Variants in FKBP5 observed in about 807,000 individuals in gnomAD.
The protein encoded by FKBP5 is peptidyl-prolyl cis-trans isomerase FKBP5.
In FKBP5, 23 loss-of-function variants were observed where a neutral mutation model predicts 50.5. The ratio of observed to expected loss-of-function variants is 0.46; its 90% CI spans 0.33 to 0.65. The LOEUF (loss-of-function observed/expected upper bound fraction) is 0.65. Among genes scored for constraint, FKBP5 ranks in the 30% least tolerant of loss-of-function variants. The pLI is 0.02. For missense variants in FKBP5, 411 were observed against 553.1 expected, an observed-to-expected ratio of 0.74 and a Z score of 2.58; for synonymous variants, 176 against 190.6, an observed-to-expected ratio of 0.92 and a Z score of 0.63.
intron 1 of FKBP5, among the ~76,000 whole-genome samples, chr6:35,721,606 C>G (rs1361789005): frequency 6.6e-6 from 1 of 152,154 alleles, no homozygotes; most frequent in Non-Finnish European, 1.5e-5. Context: ...CAGCCATGCG[C>G]TACCACGCCC....
chr6:35,642,502 T>G (rs193174888), intron 2 of FKBP5, among the ~76,000 whole-genome samples: 2 of 152,220 alleles, frequency 1.3e-5, no homozygotes, highest in East Asian at 3.9e-4. Context: ...GAAGATCACT[T>G]GAACCCAGGA....
At chr6:35,695,598 A>G (rs977754660) in intron 2 of FKBP5, among the ~76,000 whole-genome samples, 2 of 152,248 alleles carry the variant, frequency 1.3e-5, no homozygotes, top group Non-Finnish European at 2.9e-5. Context: ...AACCTTGTAT[A>G]TGGAAAATCT....
intron 1 of FKBP5, among the ~76,000 whole-genome samples, chr6:35,688,261 C>T (rs1369769480): frequency 6.6e-6 from 1 of 152,212 alleles, no homozygotes; most frequent in Non-Finnish European, 1.5e-5. Context: ...TGGGCGAATC[C>T]GCCCCGCGCC....
chr6:35,594,799 G>T (rs1282884049), intron 6 of FKBP5, among the ~76,000 whole-genome samples: 3 of 152,082 alleles, frequency 2.0e-5, no homozygotes, highest in Admixed American at 2.0e-4. Flanking sequence ...CCAACACCTT[G>T]AACAAAAATA....
At chr6:35,667,394 T>C (rs1765262515) in intron 1 of FKBP5, among the ~76,000 whole-genome samples, 1 of 152,202 alleles carries the variant, frequency 6.6e-6, no homozygotes, top group African/African-American at 2.4e-5. Flanking sequence ...CTTACAAGTG[T>C]GTGCTCTCAT....
At chr6:35,586,195 A>G in intron 8 of FKBP5, 1 of 985,126 alleles carries the variant, frequency 1.0e-6, no homozygotes, top group Non-Finnish European at 1.2e-6. Flanking sequence ...AACACTGATT[A>G]AAACAGAATG....
intron 6 of FKBP5, among the ~76,000 whole-genome samples, chr6:35,596,412 G>C (rs1762984589): frequency 6.6e-6 from 1 of 152,036 alleles, no homozygotes; most frequent in Non-Finnish European, 1.5e-5. Flanking sequence ...ACTGCCATTG[G>C]ATTACTACAG....
intron 1 of FKBP5, among the ~76,000 whole-genome samples, chr6:35,684,181 C>CTT (rs1057487502): frequency 7.0e-6 from 1 of 143,714 alleles, no homozygotes; most frequent in African/African-American, 2.6e-5. Context: ...GTAATTGTAT[C>CTT]TTTTTTTTTT....
At chr6:35,671,794 C>T (rs1007836429) in intron 1 of FKBP5, among the ~76,000 whole-genome samples, 2 of 151,624 alleles carry the variant, frequency 1.3e-5, no homozygotes, top group African/African-American at 4.8e-5. Context: ...AGTTCCAACA[C>T]AATATATGAA....
intron 1 of FKBP5, among the ~76,000 whole-genome samples, chr6:35,647,298 A>G (rs925093479): frequency 6.6e-6 from 1 of 152,242 alleles, no homozygotes; most frequent in African/African-American, 2.4e-5. Context: ...GAACCTGAAT[A>G]CAGGATTATT....
intron 8 of FKBP5, chr6:35,585,623 A>G (rs1443893123): frequency 1.7e-5 from 16 of 966,682 alleles, no homozygotes; most frequent in Non-Finnish European, 1.8e-5. Context: ...TTTAGTATAC[A>G]TAGTAAATAA....
chr6:35,616,805 C>G (rs2150975867), intron 5 of FKBP5, among the ~76,000 whole-genome samples: 1 of 152,090 alleles, frequency 6.6e-6, no homozygotes, highest in South Asian at 2.1e-4. Flanking sequence ...AGGAGTAAAC[C>G]TCTACCTTTG....
At chr6:35,712,532 AG>A (rs1055290217) in intron 2 of FKBP5, among the ~76,000 whole-genome samples, 1 of 152,040 alleles carries the variant, frequency 6.6e-6, no homozygotes, top group African/African-American at 2.4e-5. Context: ...GCACTAGGAA[AG>A]GGCCCAGGCT....
chr6:35,613,458 T>A (rs944130371), intron 5 of FKBP5, among the ~76,000 whole-genome samples: 1 of 152,176 alleles, frequency 6.6e-6, no homozygotes, highest in African/African-American at 2.4e-5. Context: ...TCACGTGATC[T>A]GCCCACCTCG....
intron 2 of FKBP5, among the ~76,000 whole-genome samples, chr6:35,696,785 A>G (rs1305759771): frequency 6.6e-6 from 1 of 152,182 alleles, no homozygotes; most frequent in Non-Finnish European, 1.5e-5. Flanking sequence ...GAGGGTTCAT[A>G]TTTCCTGATT....
At chr6:35,683,430 C>G (rs76019376) in intron 1 of FKBP5, among the ~76,000 whole-genome samples, 15,043 of 151,200 alleles carry the variant, frequency 0.099, 1,606 homozygotes, top group African/African-American at 0.27. Context: ...GAGGTGTTGA[C>G]ATTACAGGTG....
intron 8 of FKBP5, chr6:35,581,285 AATAT>A (rs763393400): frequency 7.7e-6 from 3 of 388,428 alleles, no homozygotes; most frequent in Non-Finnish European, 1.0e-5. Context: ...ATATATATAT[AATAT>A]ATATATATAT....
At chr6:35,624,909 C>T (rs1172484912) in intron 3 of FKBP5, among the ~76,000 whole-genome samples, 1 of 152,146 alleles carries the variant, frequency 6.6e-6, no homozygotes. Context: ...ACAAGGCCCA[C>T]TCACTGACGG....
chr6:35,604,431 A>C, intron 5 of FKBP5, among the ~76,000 whole-genome samples: 1 of 152,240 alleles, frequency 6.6e-6, no homozygotes, highest in East Asian at 1.9e-4. Flanking sequence ...CTTTAGACCA[A>C]GTACCATATT....
Sources: allele counts gnomAD v4.1 joint callset (sites outside exome capture counted in the v4.1 genomes callset), GRCh38; gene constraint gnomAD v4.1.1; transcripts MANE v1.5; gene names NCBI Gene and HGNC (gene_info 2026-07-23, HGNC 2026-07-21).